VAX1: variants seen among roughly 807,000 people sequenced by gnomAD.
VAX1 encodes the protein ventral anterior homeobox 1.
A neutral mutation model predicts 17.6 loss-of-function variants in VAX1; 6 were observed. The ratio of observed to expected loss-of-function variants is 0.34; its 90% CI spans 0.19 to 0.67. The LOEUF (loss-of-function observed/expected upper bound fraction) is 0.67, where lower values mean the gene tolerates loss of function less well. Ranked by LOEUF, VAX1 falls within the 30% of genes least tolerant of loss-of-function variation. The probability of loss-of-function intolerance (pLI) is 0.69; values close to 1 mark genes in which losing one functional copy is unlikely to be tolerated. For synonymous variants in VAX1, 256 were observed against 227.4 expected (o/e 1.13, Z -1.13); for missense variants, 408 against 463.7 (o/e 0.88, Z 1.10).
chr10:117,134,019 CT>C lies in VAX1; in HGVS notation c.993del (p.Ala332ArgfsTer50). On this transcript the variant is annotated frameshift_variant, in exon 3 of 3. Coordinates refer to ENST00000369206, the MANE Select transcript of VAX1 (RefSeq NM_001112704.2). LOFTEE classifies it high-confidence loss of function. The surrounding 1 kb of genome is among the most constrained non-coding windows in gnomAD (Gnocchi z 6.2). ...RTNNKEGAEK[K>X]ALD ...GGAAACACTTAAAATCAGTCCAGCGCTTTTTTCTCGGCCCCTTCTTTATTGT... is the reference window on the plus strand; with the variant it reads ...GGAAACACTTAAAATCAGTCCAGCGCTTTTTCTCGGCCCCTTCTTTATTGT... The C allele has an allele frequency of 6.6e-7, 1 of 1,521,238 alleles. No individual in the cohort carries two copies. Among genetic ancestry groups the C allele is most frequent in the Non-Finnish European group, 8.8e-7 (1 of 1,134,014 alleles). The allele number at this position is 1,521,238 out of a possible 1,614,324, so 94.2% of individuals were successfully genotyped here.
Position 117,134,614 on chromosome 10 carries a change from AG to A in VAX1, c.430-32del. 1.3e-6 allele frequency: 2 copies of A among 1,497,102 alleles called. No homozygotes were observed. The highest frequency in any genetic ancestry group is 1.8e-6 in the Non-Finnish European group (2 of 1,125,304). 92.7% of individuals were successfully genotyped at this position (1,497,102 alleles called of 1,614,324 possible). A position where few individuals can be genotyped will look rare whatever the true frequency, so the allele number is the denominator to read the frequency against. On this transcript the variant is annotated intron_variant, in intron 2 of 2. Coordinates refer to ENST00000369206, the MANE Select transcript of VAX1 (RefSeq NM_001112704.2). This position sits in a 1 kb window ranked among gnomAD's most constrained non-coding sequence, Gnocchi z 6.2. ...CGCCGGGGTGCGGGGAGAGTTGGAG[AG>A]AGGGGCAGGGAAGACCAGCGTCAAA...
chr10:117,131,874 A>C (rs1381948848), downstream of VAX1: 1 of 293,864 alleles, frequency 3.4e-6, no homozygotes, highest in Non-Finnish European at 6.2e-6. Context: ...AGAAGAAAAT[A>C]AAACCTTGCC....
downstream of VAX1, chr10:117,132,190 C>T (rs201821014): frequency 1.2e-4 from 191 of 1,602,394 alleles, no homozygotes; most frequent in African/African-American, 2.3e-3. This position sits in a 1 kb window ranked among gnomAD's most constrained non-coding sequence, Gnocchi z 4.9. Flanking sequence ...GCTCACGGTA[C>T]CAGTCGCAGG....
Position 117,137,445 on chromosome 10 carries a change from G to GGAGTAA in VAX1, c.241+370_241+371insTTACTC, listed in dbSNP as rs1854200941. Among the ~76,000 whole-genome samples the GGAGTAA allele has an allele frequency of 6.6e-6, 1 of 152,206 alleles. No homozygotes were observed. Among genetic ancestry groups the GGAGTAA allele is most frequent in the South Asian group, 2.1e-4 (1 of 4,832 alleles). On this transcript the variant is annotated intron_variant, in intron 1 of 2. Coordinates refer to ENST00000369206, the MANE Select transcript of VAX1 (RefSeq NM_001112704.2). The surrounding 1 kb of genome is among the most constrained non-coding windows in gnomAD (Gnocchi z 7.4). ...GGTGCGCTCAGCCCTCCAGAGCGCG[G>GGAGTAA]GAGTCCCCTGGCCGGCTCCCGGCAG...
In VAX1 at chr10:117,137,290, C is replaced by T. The variant is rs1854197346; in HGVS notation, c.241+526G>A. 6.6e-6 allele frequency among the ~76,000 whole-genome samples: 1 copy of T among 152,112 alleles called. No homozygotes were observed. The highest frequency in any genetic ancestry group is 2.4e-5 in the African/African-American group (1 of 41,438). On this transcript the variant is annotated intron_variant, in intron 1 of 2. Coordinates refer to ENST00000369206, the MANE Select transcript of VAX1 (RefSeq NM_001112704.2). This position sits in a 1 kb window ranked among gnomAD's most constrained non-coding sequence, Gnocchi z 7.4. Reference sequence around the variant, plus strand: ...CGGCAACCGCGGCTCCGTAACCAAGCCCAGCTGCCTCTCCCGGCGGCAGCG... The same window carrying T: ...CGGCAACCGCGGCTCCGTAACCAAGTCCAGCTGCCTCTCCCGGCGGCAGCG...
rs1321275974 is a variant in VAX1, at chr10:117,134,991, G to A, written c.430-408C>T. On this transcript the variant is annotated intron_variant, in intron 2 of 2. Transcript: ENST00000369206. The surrounding 1 kb of genome is among the most constrained non-coding windows in gnomAD (Gnocchi z 6.2). Reference sequence around the variant, plus strand: ...CGGAATTTCCGGTGGAGGGTGTGAGGCCCTAGGGTGCGGGTGCGGTGAAGG... The same window carrying A: ...CGGAATTTCCGGTGGAGGGTGTGAGACCCTAGGGTGCGGGTGCGGTGAAGG... 6.6e-6 allele frequency among the ~76,000 whole-genome samples: 1 copy of A among 152,218 alleles called. No individual in the cohort carries two copies. The highest frequency in any genetic ancestry group is 2.4e-5 in the African/African-American group (1 of 41,466).
rs1057388439 is a variant in VAX1 at position 117,137,688 on chromosome 10, A to G, written c.241+128T>C. On this transcript the variant is annotated intron_variant, in intron 1 of 2. Coordinates refer to ENST00000369206, the MANE Select transcript of VAX1 (RefSeq NM_001112704.2). This position sits in a 1 kb window ranked among gnomAD's most constrained non-coding sequence, Gnocchi z 7.4. ...GTCCCCAGCCGGACTCGGGGCGGGG[A>G]GGGCCAACAACTTTCTCCCAAGTCC... 1 of 1,556,866 alleles carries G rather than the reference A, an allele frequency of 6.4e-7. No individual in the cohort carries two copies. The highest frequency in any genetic ancestry group is 8.6e-7 in the Non-Finnish European group (1 of 1,161,454).
In VAX1 at chr10:117,137,098, C is replaced by T. The variant is rs1208702253; in HGVS notation, c.242-439G>A. Among the ~76,000 whole-genome samples the T allele has an allele frequency of 1.3e-5, 2 of 151,818 alleles. No individual in the cohort carries two copies. Among genetic ancestry groups the T allele is most frequent in the African/African-American group, 4.8e-5 (2 of 41,406 alleles). Reference sequence around the variant, plus strand: ...CCCCCACCCTCGAGTCTCCTTCCCTCCGGAGTCCGCGCGGCGGAAGGAGGA... The same window carrying T: ...CCCCCACCCTCGAGTCTCCTTCCCTTCGGAGTCCGCGCGGCGGAAGGAGGA... On this transcript the variant is annotated intron_variant, in intron 1 of 2. Coordinates refer to ENST00000369206, the MANE Select transcript of VAX1 (RefSeq NM_001112704.2). This position sits in a 1 kb window ranked among gnomAD's most constrained non-coding sequence, Gnocchi z 7.4.
At position 117,134,111 on chromosome 10, in the gene VAX1, C is replaced by T. The variant is rs1482853490; in HGVS notation, c.902G>A (p.Gly301Glu). 6.5e-7 allele frequency: 1 copy of T among 1,536,710 alleles called. No homozygotes were observed. The highest frequency in any genetic ancestry group is 8.8e-7 in the Non-Finnish European group (1 of 1,140,664). ...APLTMAGSLA[G>E]NLQELSARYL... is the part of the protein sequence containing the mutation. ...TCGGGCGGAGAGTTCTTGCAAATTC[C>T]CAGCTAGCGAACCAGCCATTGTTAA... Residue 301 changes from glycine to glutamate, a missense_variant, in exon 3 of 3, where the codon GGG becomes GAG. Coordinates refer to ENST00000369206, the MANE Select transcript of VAX1 (RefSeq NM_001112704.2). This position sits in a 1 kb window ranked among gnomAD's most constrained non-coding sequence, Gnocchi z 6.2.
intron 2 of VAX1, among the ~76,000 whole-genome samples, chr10:117,135,717 C>T (rs936924318): frequency 4.6e-5 from 7 of 152,228 alleles, no homozygotes; most frequent in Non-Finnish European, 1.0e-4. Context: ...TTCTTGGGTC[C>T]TCTCCTGGGC....
At chr10:117,129,049 A>G (rs1412200393), downstream of VAX1, 1 of 152,264 alleles carries the variant, frequency 6.6e-6, no homozygotes, top group African/African-American at 2.4e-5. Flanking sequence ...GTTAAATTAC[A>G]ATAGCATAAT....
At position 117,134,188 on chromosome 10, in the gene VAX1, C is replaced by T; in HGVS notation, c.825G>A (p.Leu275=). The T allele has an allele frequency of 6.6e-7, 1 of 1,518,032 alleles. No homozygotes were observed. The highest frequency in any genetic ancestry group is 8.8e-7 in the Non-Finnish European group (1 of 1,133,570). 94.0% of individuals were successfully genotyped at this position (1,518,032 alleles called of 1,614,324 possible). Residue 275 remains leucine, a synonymous_variant, in exon 3 of 3, where the codon CTG becomes CTA. Coordinates refer to ENST00000369206, the MANE Select transcript of VAX1 (RefSeq NM_001112704.2). This position sits in a 1 kb window ranked among gnomAD's most constrained non-coding sequence, Gnocchi z 6.2. ...APAAGHSLFS[L]PVPSLLGSVA... ...CGGAGCCGAGCAGCGAGGGCACCGG[C>T]AGGCTGAAGAGGCTGTGGCCCGCGG...
chr10:117,133,331 A>C lies in VAX1; in HGVS notation c.*677T>G. 1 of 985,414 alleles carries C rather than the reference A, an allele frequency of 1.0e-6. No individual in the cohort carries two copies. Among genetic ancestry groups the C allele is most frequent in the Non-Finnish European group, 1.2e-6 (1 of 829,948 alleles). 61.0% of individuals were successfully genotyped at this position (985,414 alleles called of 1,614,324 possible). A position where few individuals can be genotyped will look rare whatever the true frequency, so the allele number is the denominator to read the frequency against. On this transcript the variant is annotated 3_prime_UTR_variant, in exon 3 of 3. Coordinates refer to ENST00000369206, the MANE Select transcript of VAX1 (RefSeq NM_001112704.2). ...TTGCTTTTATTGCTGATTAGATCAA[A>C]TTTATCAGTGTCGTTGCCTACTACG...
Position 117,133,507 on chromosome 10 carries a change from G to A in VAX1, c.*501C>T. On this transcript the variant is annotated 3_prime_UTR_variant, in exon 3 of 3. Transcript: ENST00000369206. ...AAGCGGGGCCCAGGGGCTCCCACAA[G>A]CCCTGGTTTCCCTGGCAAGAGGAAG... is the stretch of plus-strand genomic sequence containing the variant. 1 of 985,630 alleles carries A rather than the reference G, an allele frequency of 1.0e-6. No homozygotes were observed. Among genetic ancestry groups the A allele is most frequent in the Non-Finnish European group, 1.2e-6 (1 of 830,096 alleles). 61.1% of individuals were successfully genotyped at this position (985,630 alleles called of 1,614,324 possible).
rs561013738 is a variant in VAX1, at chr10:117,138,120, G to T, written c.-64C>A. On this transcript the variant is annotated 5_prime_UTR_variant, in exon 1 of 3. Coordinates refer to ENST00000369206, the MANE Select transcript of VAX1 (RefSeq NM_001112704.2). ...GCAAAAAAAAAAAAAAGGGGGGGGG[G>T]CGGAGAAGGAAAAAAAAAAGAGGAA... 570 of 107,450 alleles carry T rather than the reference G, an allele frequency of 5.3e-3. 79 individuals carry two copies. Among genetic ancestry groups the T allele is most frequent in the South Asian group, 0.037 (497 of 13,288 alleles). The allele number at this position is 107,450 out of a possible 1,614,324, so 6.7% of individuals were successfully genotyped here. A position where few individuals can be genotyped will look rare whatever the true frequency, so the allele number is the denominator to read the frequency against.
Position 117,137,897 on chromosome 10 carries a change from A to G in VAX1, c.160T>C (p.Ser54Pro). The G allele has an allele frequency of 6.2e-7, 1 of 1,613,866 alleles. No individual in the cohort carries two copies. The highest frequency in any genetic ancestry group is 8.5e-7 in the Non-Finnish European group (1 of 1,179,978). The change falls in exon 1 of 3, where the codon TCG (serine) becomes CCG (proline). Residue 54 changes from serine to proline, a missense_variant. Physicochemically the swap from Ser to Pro is moderately conservative, Grantham distance 74. Around this residue, in one of 4 missense-constraint regions of VAX1, gnomAD observed 133 missense variants for 112.0 expected, o/e 1.19. Coordinates refer to ENST00000369206, the MANE Select transcript of VAX1 (RefSeq NM_001112704.2). This position sits in a 1 kb window ranked among gnomAD's most constrained non-coding sequence, Gnocchi z 7.4. ...LKEPQGAFSASGAAEDCNKSK... is the reference protein window; with the variant it reads ...LKEPQGAFSAPGAAEDCNKSK... ...TTGTTACAATCCTCAGCAGCGCCCGACGCTGAGAAGGCGCCCTGCGGCTCC... is the reference window on the plus strand; with the variant it reads ...TTGTTACAATCCTCAGCAGCGCCCGGCGCTGAGAAGGCGCCCTGCGGCTCC...
Position 117,136,517 on chromosome 10 carries a change from G to T in VAX1, c.384C>A (p.Arg128=), listed in dbSNP as rs1019419486. Residue 128 remains arginine (R), a synonymous_variant, in exon 2 of 3, where the codon CGC becomes CGA. Coordinates refer to ENST00000369206, the MANE Select transcript of VAX1 (RefSeq NM_001112704.2). The surrounding 1 kb of genome is among the most constrained non-coding windows in gnomAD (Gnocchi z 5.0). The part of the protein sequence containing the change: ...EFQRCQYVVG[R]ERTELARQLN... ...GCTGCCGGGCGAGCTCGGTCCTCTC[G>T]CGGCCCACCACGTACTGGCAGCGCT... The T allele has an allele frequency of 2.5e-6, 4 of 1,613,748 alleles. No individual in the cohort carries two copies. In the African/African-American group the frequency reaches 4.0e-5, roughly 16 times the overall value.
chr10:117,138,242 C>G lies in VAX1; in HGVS notation c.-186G>C. 1.4e-6 allele frequency: 1 copy of G among 732,562 alleles called. No individual in the cohort carries two copies. The highest frequency in any genetic ancestry group is 1.9e-5 in the South Asian group (1 of 53,534). The allele number at this position is 732,562 out of a possible 1,614,324, so 45.4% of individuals were successfully genotyped here. A position where few individuals can be genotyped will look rare whatever the true frequency, so the allele number is the denominator to read the frequency against. ...GTCCCCGCGGGGAGGCTTCGGCGGC[C>G]GCGCGCGGGTCAGCGGCGACGGGAG... On this transcript the variant is annotated 5_prime_UTR_variant, in exon 1 of 3. Transcript: ENST00000369206.
chr10:117,132,628 A>G (rs1854104550), downstream of VAX1: 1 of 945,736 alleles, frequency 1.1e-6, no homozygotes, highest in African/African-American at 1.7e-5. The surrounding 1 kb of genome is among the most constrained non-coding windows in gnomAD (Gnocchi z 4.9). Flanking sequence ...TGGGTCTGTG[A>G]TTTTGGTTAA....
Sources: gnomAD v4.1 joint callset for allele counts (sites outside exome capture counted in the v4.1 genomes callset) on GRCh38, gnomAD v4.1.1 for gene constraint, gnomAD v4.1.1 regional missense constraint, Gnocchi (gnomAD v3.1) non-coding constraint, MANE v1.5 for transcripts, NCBI Gene and HGNC (gene_info 2026-07-23, HGNC 2026-07-21) for gene names.